ZFP62: variants seen among roughly 807,000 people sequenced by gnomAD.
The protein encoded by ZFP62 is zinc finger protein 62 homolog.
In ZFP62, 44 loss-of-function variants were observed where a neutral mutation model predicts 56.4. The observed-to-expected ratio is 0.78, with a 90% confidence interval of 0.61 to 1.00. The LOEUF (loss-of-function observed/expected upper bound fraction) is 1.00, where lower values mean the gene tolerates loss of function less well. ZFP62 is among the 50% of genes least tolerant of loss of function. The probability of loss-of-function intolerance (pLI) is 0.00; values close to 1 mark genes in which losing one functional copy is unlikely to be tolerated. For synonymous variants in ZFP62, 421 were observed against 388.9 expected (o/e 1.08, Z -0.97); for missense variants, 1,030 against 1,085.7 (o/e 0.95, Z 0.72).
chr5:180,835,180 G>A, the ZFP62 span: 1 of 152,208 alleles, frequency 6.6e-6, no homozygotes, highest in Admixed American at 6.5e-5. Flanking sequence ...GGACTGAGTA[G>A]GGAAGATCAA....
At chr5:180,836,295 T>C in the ZFP62 span, among the ~76,000 whole-genome samples, 1 of 152,246 alleles carries the variant, frequency 6.6e-6, no homozygotes, top group African/African-American at 2.4e-5. Context: ...GACAGAAGCC[T>C]GAAATCAAGT....
Position 180,848,657 on chromosome 5 carries a change from A to C in ZFP62, c.*135T>G. 1 of 1,383,446 alleles carries C rather than the reference A, an allele frequency of 7.2e-7. No individual in the cohort carries two copies. The allele number at this position is 1,383,446 out of a possible 1,614,324, so 85.7% of individuals were successfully genotyped here. On this transcript the variant is annotated 3_prime_UTR_variant, in exon 2 of 2. Transcript: ENST00000502412. ...TGCTTGCTATGATTGAAAATCACAT[A>C]GAAAGGATTCCTCATAATCCTCTAG...
At position 180,850,083 on chromosome 5, in the gene ZFP62, T is replaced by C. The variant is rs1319707417; in HGVS notation, c.1412A>G (p.His471Arg). ...NAGLKVHRRL[H>R]TGEKPYKCDV... ...ACACTTATATGGTTTTTCCCCAGTA[T>C]GGAGCCTCCTGTGGACTTTGAGGCC... The change falls in exon 2 of 2, where the codon CAT becomes CGT. Residue 471 changes from histidine to arginine, a missense_variant. Physicochemically the swap from His to Arg is conservative, Grantham distance 29. Coordinates refer to ENST00000502412, the MANE Select transcript of ZFP62 (RefSeq NM_001172638.2). 1 of 1,551,890 alleles carries C rather than the reference T, an allele frequency of 6.4e-7. No homozygotes were observed. Among genetic ancestry groups the C allele is most frequent in the Non-Finnish European group, 8.7e-7 (1 of 1,147,092 alleles).
At chr5:180,856,985 A>G (rs1195502153) in intron 1 of ZFP62, among the ~76,000 whole-genome samples, 1 of 142,804 alleles carries the variant, frequency 7.0e-6, no homozygotes, top group African/African-American at 2.6e-5. Flanking sequence ...AAAAGCAAAT[A>G]CAGGACATGG....
At chr5:180,835,660 ATACT>A in the ZFP62 span, 5 of 152,184 alleles carry the variant, frequency 3.3e-5, no homozygotes, top group African/African-American at 9.7e-5. Context: ...GAAATGGTTA[ATACT>A]TACTATTTGT....
At chr5:180,836,803 A>G in the ZFP62 span, among the ~76,000 whole-genome samples, 2 of 152,250 alleles carry the variant, frequency 1.3e-5, no homozygotes, top group East Asian at 1.9e-4. Context: ...TTGCAGATCT[A>G]TGGGCTACTC....
At position 180,851,172 on chromosome 5, in the gene ZFP62, A is replaced by G. The variant is rs1266237870; in HGVS notation, c.323T>C (p.Ile108Thr). ...PQHITHQTMP[I>T]GQRGSEQGKR... ...GCCTTGCTCACTGCCTCTCTGTCCTATAGGCATAGTCTGGTGTGTGATATG... is the reference window on the plus strand; with the variant it reads ...GCCTTGCTCACTGCCTCTCTGTCCTGTAGGCATAGTCTGGTGTGTGATATG... Residue 108 changes from isoleucine (I) to threonine (T), a missense_variant, in exon 2 of 2, where the codon ATA becomes ACA. Transcript: ENST00000502412. 1 of 1,551,554 alleles carries G rather than the reference A, an allele frequency of 6.4e-7. No individual in the cohort carries two copies.
chr5:180,828,117 C>T, the ZFP62 span, among the ~76,000 whole-genome samples: 942 of 151,124 alleles, frequency 6.2e-3, 10 homozygotes, highest in African/African-American at 0.022. Context: ...CGCTGGTTCC[C>T]CGGGCCCCCT....
intron 1 of ZFP62, among the ~76,000 whole-genome samples, chr5:180,859,110 A>G (rs1202020692): frequency 6.6e-6 from 1 of 152,142 alleles, no homozygotes; most frequent in African/African-American, 2.4e-5. Flanking sequence ...AACTCGTTAG[A>G]GAGGAGCCGT....
At chr5:180,860,289 C>G (rs1774232302) in intron 1 of ZFP62, among the ~76,000 whole-genome samples, 1 of 152,166 alleles carries the variant, frequency 6.6e-6, no homozygotes, top group South Asian at 2.1e-4. Flanking sequence ...AAATCTTTCA[C>G]TGGTAACTTT....
At chr5:180,829,579 TGGGTTCCCCCGATATCTGGCCCCTATC>T in the ZFP62 span, among the ~76,000 whole-genome samples, 8 of 152,330 alleles carry the variant, frequency 5.3e-5, no homozygotes, top group East Asian at 1.9e-4. Flanking sequence ...ATATTGGGGG[TGGGTTCCCCCGATATCTGGCCCCTATC>T]GGGTTCCCCC....
In ZFP62 at chr5:180,848,085, TTAAA is replaced by T; in HGVS notation, c.*703_*706del. The stretch of plus-strand genomic sequence containing the variant: ...TCATTATGGGAGTTCATCTGAAACT[TTAAA>T]AAAGTTTCATCCATTCAACTAATGT... On this transcript the variant is annotated 3_prime_UTR_variant, in exon 2 of 2. Coordinates refer to ENST00000502412, the MANE Select transcript of ZFP62 (RefSeq NM_001172638.2). 1 of 983,006 alleles carries T rather than the reference TTAAA, an allele frequency of 1.0e-6. No homozygotes were observed. The highest frequency in any genetic ancestry group is 1.2e-6 in the Non-Finnish European group (1 of 829,916). 60.9% of individuals were successfully genotyped at this position (983,006 alleles called of 1,614,324 possible).
chr5:180,834,799 T>C, the ZFP62 span: 1 of 152,220 alleles, frequency 6.6e-6, no homozygotes, highest in Non-Finnish European at 1.5e-5. Flanking sequence ...CTTGACAGGA[T>C]TGAGGGATGC....
chr5:180,858,056 C>T (rs1455790573), intron 1 of ZFP62, among the ~76,000 whole-genome samples: 3 of 146,890 alleles, frequency 2.0e-5, no homozygotes, highest in Non-Finnish European at 4.5e-5. Flanking sequence ...AGTTTGAGAC[C>T]AGCCTGGCCA....
At chr5:180,835,893 C>T in the ZFP62 span, among the ~76,000 whole-genome samples, 7 of 152,310 alleles carry the variant, frequency 4.6e-5, no homozygotes, top group African/African-American at 1.2e-4. Context: ...CTAGGGCAGC[C>T]GTAACAAAGG....
chr5:180,827,169 A>G, the ZFP62 span, among the ~76,000 whole-genome samples: 22 of 152,350 alleles, frequency 1.4e-4, no homozygotes, highest in African/African-American at 5.1e-4. Flanking sequence ...GGAGAAGCAG[A>G]GGACTAAGCT....
intron 1 of ZFP62, chr5:180,851,901 C>A: frequency 4.0e-6 from 2 of 497,206 alleles, no homozygotes; most frequent in Non-Finnish European, 5.3e-6. Flanking sequence ...ATAAGTAGGA[C>A]AAAAGTTAGG....
chr5:180,850,380 T>C lies in ZFP62; in HGVS notation c.1115A>G (p.Lys372Arg), dbSNP rs775870174. ...EKPYECDECG[K>R]AFRNSSGLIV... ...GAGGCCTGAGCTGTTCCTGAAAGCCTTCCCACATTCATCACATTCATAAGG... is the reference window on the plus strand; with the variant it reads ...GAGGCCTGAGCTGTTCCTGAAAGCCCTCCCACATTCATCACATTCATAAGG... Residue 372 changes from lysine (K) to arginine (R), a missense_variant, in exon 2 of 2, where the codon AAG (lysine) becomes AGG (arginine). Physicochemically the swap from Lys to Arg is conservative, Grantham distance 26. Coordinates refer to ENST00000502412, the MANE Select transcript of ZFP62 (RefSeq NM_001172638.2). 12 of 1,564,678 alleles carry C rather than the reference T, an allele frequency of 7.7e-6. No individual in the cohort carries two copies. The highest frequency in any genetic ancestry group is 2.4e-5 in the East Asian group (1 of 42,034).
At chr5:180,856,626 A>AG (rs1773988666) in intron 1 of ZFP62, among the ~76,000 whole-genome samples, 1 of 152,188 alleles carries the variant, frequency 6.6e-6, no homozygotes, top group Non-Finnish European at 1.5e-5. Flanking sequence ...GCAGACTAGT[A>AG]GGAGAGTCTG....
Sources: gnomAD v4.1 joint callset for allele counts (sites outside exome capture counted in the v4.1 genomes callset) on GRCh38, gnomAD v4.1.1 for gene constraint, MANE v1.5 for transcripts, NCBI Gene and HGNC (gene_info 2026-07-23, HGNC 2026-07-21) for gene names.